RGL2: variants seen among roughly 807,000 people sequenced by gnomAD.
RGL2 encodes the protein ral guanine nucleotide dissociation stimulator-like 2.
RGL2 carries 40 observed loss-of-function variants against 84.6 expected under a neutral mutation model. That is an observed-to-expected ratio of 0.47 (90% CI 0.37 to 0.62). RGL2 has a LOEUF of 0.62. Among genes scored for constraint, RGL2 ranks in the 20% least tolerant of loss-of-function variants. RGL2 has a pLI of 0.00. For synonymous variants in RGL2, 369 were observed against 417.3 expected, an observed-to-expected ratio of 0.88 and a Z score of 1.41; for missense variants, 865 against 1,019.7, an observed-to-expected ratio of 0.85 and a Z score of 2.07.
Position 33,298,692 on chromosome 6 carries a change from A to T in RGL2, c.-41-41T>A. 1.1e-6 allele frequency: 1 copy of T among 893,162 alleles called. No individual in the cohort carries two copies. Among genetic ancestry groups the T allele is most frequent in the Non-Finnish European group, 1.6e-6 (1 of 629,988 alleles). The allele number at this position is 893,162 out of a possible 1,614,324, so 55.3% of individuals were successfully genotyped here. ...GTGGGGTGGGGGTGGAGAGTCAGGC[A>T]GGCGCGGGGGAACCGGGCAGGGAAG... On this transcript the variant is annotated intron_variant, in intron 1 of 17. Transcript: ENST00000497454. The surrounding 1 kb of genome is among the most constrained non-coding windows in gnomAD (Gnocchi z 4.8).
In RGL2 at chr6:33,292,996, C is replaced by T. The variant is rs1767567155; in HGVS notation, c.2007+20G>A. 1.2e-6 allele frequency: 2 copies of T among 1,613,990 alleles called. No homozygotes were observed. Among genetic ancestry groups the T allele is most frequent in the African/African-American group, 1.3e-5 (1 of 74,944 alleles). On this transcript the variant is annotated intron_variant, in intron 16 of 17. Transcript: ENST00000497454. Reference sequence around the variant, plus strand: ...CAAGACACCATCCTTCACCCCAACTCCATCCCAAGGCTCCCTCACCAAAAT... The same window carrying T: ...CAAGACACCATCCTTCACCCCAACTTCATCCCAAGGCTCCCTCACCAAAAT...
At position 33,292,275 on chromosome 6, in the gene RGL2, T is replaced by C. The variant is rs1767475214; in HGVS notation, c.2161A>G (p.Met721Val). The C allele has an allele frequency of 2.5e-6, 4 of 1,614,076 alleles. No homozygotes were observed. The highest frequency in any genetic ancestry group is 1.3e-5 in the African/African-American group (1 of 74,924). ...IPASANVFYA[M>V]DGASHDFLLR... ...AGGAAATCGTGTGAAGCTCCATCCA[T>C]GGCGTAGAATACATTAGCCGAGGCT... is the stretch of plus-strand genomic sequence containing the variant. Residue 721 changes from methionine (M) to valine (V), a missense_variant, in exon 18 of 18, where the codon ATG (methionine) becomes GTG (valine). Physicochemically the swap from Met to Val is conservative, Grantham distance 21 (BLOSUM62 1). This residue lies in a region of RGL2 where 302 missense variants were observed against 327.9 expected (regional missense o/e 0.92). Transcript: ENST00000497454.
chr6:33,292,503 G>C lies in RGL2; in HGVS notation c.2049C>G (p.Val683=), dbSNP rs2150926936. 1 of 1,614,048 alleles carries C rather than the reference G, an allele frequency of 6.2e-7. No individual in the cohort carries two copies. The highest frequency in any genetic ancestry group is 2.2e-5 in the East Asian group (1 of 44,876). ...QDKAPSVISR[V]LKKNNRDSAV... is the part of the protein sequence containing the mutation. ...CAGAGTCACGATTGTTTTTCTTAAGGACACGACTGATGACACTTGGAGCCT... is the reference window on the plus strand; with the variant it reads ...CAGAGTCACGATTGTTTTTCTTAAGCACACGACTGATGACACTTGGAGCCT... Residue 683 remains valine, a synonymous_variant, in exon 17 of 18, where the codon GTC becomes GTG. Coordinates refer to ENST00000497454, the MANE Select transcript of RGL2 (RefSeq NM_004761.5).
In RGL2 at chr6:33,294,808, G is replaced by C. The variant is rs778218320; in HGVS notation, c.1279-46C>G. On this transcript the variant is annotated intron_variant, in intron 10 of 17. Transcript: ENST00000497454. This position sits in a 1 kb window ranked among gnomAD's most constrained non-coding sequence, Gnocchi z 5.0. ...CAGAAGTGCCTGCCATTGACGTGAGGGCCCTCCATCCCTCCGCACTTGCCC... is the reference window on the plus strand; with the variant it reads ...CAGAAGTGCCTGCCATTGACGTGAGCGCCCTCCATCCCTCCGCACTTGCCC... 6 of 1,595,734 alleles carry C rather than the reference G, an allele frequency of 3.8e-6. No individual in the cohort carries two copies. In the South Asian group the frequency reaches 5.6e-5, roughly 15 times the overall value.
chr6:33,299,497 G>A (rs1329013700), upstream of RGL2, among the ~76,000 whole-genome samples: 1 of 152,020 alleles, frequency 6.6e-6, no homozygotes, highest in Non-Finnish European at 1.5e-5. This position sits in a 1 kb window ranked among gnomAD's most constrained non-coding sequence, Gnocchi z 5.0. Context: ...CCGGCGCCGA[G>A]ACCGAGATCC....
Position 33,295,727 on chromosome 6 carries a change from G to A in RGL2, c.801C>T (p.Cys267=), listed in dbSNP as rs1767884549. 1 of 1,613,774 alleles carries A rather than the reference G, an allele frequency of 6.2e-7. No individual in the cohort carries two copies. Among genetic ancestry groups the A allele is most frequent in the East Asian group, 2.2e-5 (1 of 44,880 alleles). Residue 267 remains cysteine (C), a synonymous_variant, in exon 7 of 18, where the codon TGC becomes TGT. Transcript: ENST00000497454. This position sits in a 1 kb window ranked among gnomAD's most constrained non-coding sequence, Gnocchi z 7.2. ...CTCTGTGACCCCACAGGCCTCCCAG[G>A]CACTGAGAGGGGATCAAATTGAGAA... is the stretch of plus-strand genomic sequence containing the variant. The part of the protein sequence containing the change: ...ELFLNLIPSQ[C]LGGLWGHRDR...
chr6:33,295,631 C>T lies in RGL2; in HGVS notation c.897G>A (p.Gly299=), dbSNP rs1343785627. Residue 299 remains glycine, a synonymous_variant, in exon 7 of 18, where the codon GGG becomes GGA. Coordinates refer to ENST00000497454, the MANE Select transcript of RGL2 (RefSeq NM_004761.5). The surrounding 1 kb of genome is among the most constrained non-coding windows in gnomAD (Gnocchi z 7.2). ...CCCCCAGGACAGAACTAACCACTGCCCCTGCCACCTTGTTAAACTGTGTGA... is the reference window on the plus strand; with the variant it reads ...CCCCCAGGACAGAACTAACCACTGCTCCTGCCACCTTGTTAAACTGTGTGA... ...ATVTQFNKVA[G]AVVSSVLGAT... 1.9e-6 allele frequency: 3 copies of T among 1,613,874 alleles called. No individual in the cohort carries two copies. The highest frequency in any genetic ancestry group is 2.5e-6 in the Non-Finnish European group (3 of 1,180,056).
chr6:33,297,592 C>T lies in RGL2; in HGVS notation c.157-477G>A, dbSNP rs998761952. The T allele has an allele frequency of 6.3e-6, 1 of 159,002 alleles. No homozygotes were observed. Among genetic ancestry groups the T allele is most frequent in the Non-Finnish European group, 1.4e-5 (1 of 72,458 alleles). 9.8% of individuals were successfully genotyped at this position (159,002 alleles called of 1,614,324 possible). The stretch of plus-strand genomic sequence containing the variant: ...AGAGAATTAGTCTTTTTCAGGACCC[C>T]TTTCACCCTGGTCCCTCGGGTAGCG... On this transcript the variant is annotated intron_variant, in intron 2 of 17. Coordinates refer to ENST00000497454, the MANE Select transcript of RGL2 (RefSeq NM_004761.5). The surrounding 1 kb of genome is among the most constrained non-coding windows in gnomAD (Gnocchi z 4.0).
intron 16 of RGL2, among the ~76,000 whole-genome samples, chr6:33,292,774 C>T (rs1413708367): frequency 2.0e-5 from 3 of 152,184 alleles, no homozygotes; most frequent in Non-Finnish European, 4.4e-5. Context: ...AATTTTAACA[C>T]GGCGACCAAA....
chr6:33,292,587 T>G, intron 16 of RGL2, 43 bp from the exon 17 acceptor site: 2 of 1,492,166 alleles, frequency 1.3e-6, no homozygotes, highest in Non-Finnish European at 1.9e-6. Flanking sequence ...TCAGCCATGA[T>G]TTCCCATCCT....
rs373989560 is a variant in RGL2 at position 33,296,695 on chromosome 6, G to C, written c.322C>G (p.Arg108Gly). The C allele has an allele frequency of 6.2e-7, 1 of 1,613,970 alleles. No homozygotes were observed. Among genetic ancestry groups the C allele is most frequent in the Non-Finnish European group, 8.5e-7 (1 of 1,179,996 alleles). ...AAGCTCACATCAGTCCCTGATGTCC[G>C]GGTATCCAGTAGGTGTCTGACCAGG... is the stretch of plus-strand genomic sequence containing the variant. ...EALVRHLLDTRTSGTDVSFMS... is the reference protein window; with the variant it reads ...EALVRHLLDTGTSGTDVSFMS... Residue 108 changes from arginine (R) to glycine (G), a missense_variant, in exon 4 of 18, where the codon CGG (arginine) becomes GGG (glycine). Around this residue, in one of 5 missense-constraint regions of RGL2, gnomAD observed 455 missense variants for 507.8 expected, o/e 0.90. Transcript: ENST00000497454. This position sits in a 1 kb window ranked among gnomAD's most constrained non-coding sequence, Gnocchi z 5.0.
chr6:33,295,035 A>T lies in RGL2; in HGVS notation c.1220T>A (p.Leu407Gln). 21 of 1,581,218 alleles carry T rather than the reference A, an allele frequency of 1.3e-5. No individual in the cohort carries two copies. The highest frequency in any genetic ancestry group is 1.8e-5 in the Non-Finnish European group (21 of 1,162,612). The change falls in exon 10 of 18, where the codon CTG (leucine) becomes CAG (glutamine). Residue 407 changes from leucine to glutamine, a missense_variant. Leu to Gln is a moderately radical substitution (Grantham distance 113). This residue lies in a region of RGL2 where 455 missense variants were observed against 507.8 expected (regional missense o/e 0.90). Coordinates refer to ENST00000497454, the MANE Select transcript of RGL2 (RefSeq NM_004761.5). This position sits in a 1 kb window ranked among gnomAD's most constrained non-coding sequence, Gnocchi z 7.2. ...GGAGTGTGGCTCCAGAGGAGACTGC[A>T]GCTTCACCTCCTGGTGGTGACAAAA... is the stretch of plus-strand genomic sequence containing the variant. ...SRELLVQEVK[L>Q]QSPLEPHSKK...
rs866399223 is a variant in RGL2 at position 33,297,260 on chromosome 6, G to A, written c.157-145C>T. 1.9e-5 allele frequency: 12 copies of A among 629,478 alleles called. 1 individual carries two copies. In the South Asian group the frequency reaches 2.7e-4, roughly 14 times the overall value. The allele number at this position is 629,478 out of a possible 1,614,324, so 39.0% of individuals were successfully genotyped here. On this transcript the variant is annotated intron_variant, in intron 2 of 17. Transcript: ENST00000497454. The surrounding 1 kb of genome is among the most constrained non-coding windows in gnomAD (Gnocchi z 4.0). The stretch of plus-strand genomic sequence containing the variant: ...CCAGCGAGTGCGAGGAAGGGTTGGG[G>A]GAGCTGGTGACCCCAGGTCTCCCCC...
At position 33,296,367 on chromosome 6, in the gene RGL2, A is replaced by G. The variant is rs1404098847; in HGVS notation, c.471-42T>C. On this transcript the variant is annotated intron_variant, in intron 5 of 17. Coordinates refer to ENST00000497454, the MANE Select transcript of RGL2 (RefSeq NM_004761.5). The surrounding 1 kb of genome is among the most constrained non-coding windows in gnomAD (Gnocchi z 5.0). ...AGCCAAGGGTGAGAGGTAAAGCTGC[A>G]GCCTGGGCAGAGGGGACTGTGAGAT... The G allele has an allele frequency of 6.2e-7, 1 of 1,605,488 alleles. No homozygotes were observed.
chr6:33,294,217 C>T lies in RGL2; in HGVS notation c.1354-151G>A. On this transcript the variant is annotated intron_variant, in intron 11 of 17. Transcript: ENST00000497454. This position sits in a 1 kb window ranked among gnomAD's most constrained non-coding sequence, Gnocchi z 5.0. ...GACTCTTCGATCCCTCCCTGCCTTCCTCCTCAATCTATCATGGCCTAAGCA... is the reference window on the plus strand; with the variant it reads ...GACTCTTCGATCCCTCCCTGCCTTCTTCCTCAATCTATCATGGCCTAAGCA... The T allele has an allele frequency of 1.1e-6, 1 of 892,288 alleles. No homozygotes were observed. Among genetic ancestry groups the T allele is most frequent in the Non-Finnish European group, 1.7e-6 (1 of 583,954 alleles). The allele number at this position is 892,288 out of a possible 1,614,324, so 55.3% of individuals were successfully genotyped here.
At position 33,297,203 on chromosome 6, in the gene RGL2, G is replaced by C. The variant is rs974239356; in HGVS notation, c.157-88C>G. ...CACCCCAGGCCCTGCTCCTCCCTCT[G>C]TACCCCTCACCTGTGGTGGCAGGGC... On this transcript the variant is annotated intron_variant, in intron 2 of 17. Coordinates refer to ENST00000497454, the MANE Select transcript of RGL2 (RefSeq NM_004761.5). The surrounding 1 kb of genome is among the most constrained non-coding windows in gnomAD (Gnocchi z 4.0). 6.4e-5 allele frequency: 65 copies of C among 1,015,168 alleles called. No homozygotes were observed. In the African/African-American group the frequency reaches 9.7e-4, roughly 15 times the overall value. The allele number at this position is 1,015,168 out of a possible 1,614,324, so 62.9% of individuals were successfully genotyped here. A position where few individuals can be genotyped will look rare whatever the true frequency, so the allele number is the denominator to read the frequency against.
Position 33,292,303 on chromosome 6 carries a change from G to C in RGL2, c.2133C>G (p.Ile711Met). Residue 711 changes from isoleucine (I) to methionine (M), a missense_variant, in exon 18 of 18, where the codon ATC (isoleucine) becomes ATG (methionine). Ile to Met is a conservative substitution (Grantham distance 10, BLOSUM62 1). Transcript: ENST00000497454. ...QLLPGERELT[I>M]PASANVFYAM... is the part of the protein sequence containing the mutation. ...CGTAGAATACATTAGCCGAGGCTGGGATAGTCAGCTCTGAAGGTTCAGGGG... is the reference window on the plus strand; with the variant it reads ...CGTAGAATACATTAGCCGAGGCTGGCATAGTCAGCTCTGAAGGTTCAGGGG... 2 of 1,613,958 alleles carry C rather than the reference G, an allele frequency of 1.2e-6. No homozygotes were observed. The highest frequency in any genetic ancestry group is 1.1e-5 in the South Asian group (1 of 91,086).
Position 33,293,157 on chromosome 6 carries a change from G to A in RGL2, c.1866C>T (p.Ser622=). The A allele has an allele frequency of 1.2e-6, 2 of 1,609,016 alleles. No individual in the cohort carries two copies. Among genetic ancestry groups the A allele is most frequent in the Non-Finnish European group, 1.7e-6 (2 of 1,177,808 alleles). ...CCTCTTCTGCACCCCCACTCAGCGG[G>A]GAGCCACAGGAGGCTGAGCGGCGGT... ...RGHRRSASCG[S]PLSGGAEEAS... is the part of the protein sequence containing the mutation. Residue 622 remains serine (S), a synonymous_variant, in exon 16 of 18, where the codon TCC becomes TCT. Transcript: ENST00000497454. The surrounding 1 kb of genome is among the most constrained non-coding windows in gnomAD (Gnocchi z 7.0).
chr6:33,294,809 G>C lies in RGL2; in HGVS notation c.1279-47C>G. The C allele has an allele frequency of 6.3e-7, 1 of 1,591,628 alleles. No individual in the cohort carries two copies. The highest frequency in any genetic ancestry group is 8.6e-7 in the Non-Finnish European group (1 of 1,162,610). Reference sequence around the variant, plus strand: ...AGAAGTGCCTGCCATTGACGTGAGGGCCCTCCATCCCTCCGCACTTGCCCT... The same window carrying C: ...AGAAGTGCCTGCCATTGACGTGAGGCCCCTCCATCCCTCCGCACTTGCCCT... On this transcript the variant is annotated intron_variant, in intron 10 of 17. Transcript: ENST00000497454. The surrounding 1 kb of genome is among the most constrained non-coding windows in gnomAD (Gnocchi z 5.0).
Sources: allele counts gnomAD v4.1 joint callset (sites outside exome capture counted in the v4.1 genomes callset), GRCh38; gene constraint gnomAD v4.1.1; regional missense constraint gnomAD v4.1.1; non-coding constraint Gnocchi (gnomAD v3.1); transcripts MANE v1.5; gene names NCBI Gene and HGNC (gene_info 2026-07-23, HGNC 2026-07-21).